PLXND1: variants seen among roughly 807,000 people sequenced by gnomAD.
PLXND1 encodes plexin-D1.
Under a neutral mutation model 197.7 loss-of-function variants are expected in PLXND1, and 54 were observed. The observed-to-expected ratio is 0.27, with a 90% CI of 0.22 to 0.34. The LOEUF is 0.34. PLXND1 is among the 10% of genes least tolerant of loss of function. The pLI, the probability that PLXND1 is intolerant of heterozygous loss-of-function variation, is 1.00. For synonymous variants in PLXND1, 1,180 were observed against 1,161.2 expected (o/e 1.02, Z -0.33); for missense variants, 2,127 against 2,699.2 (o/e 0.79, Z 4.70).
At chr3:129,570,368 G>A (rs2085205980) in intron 19 of PLXND1, among the ~76,000 whole-genome samples, 1 of 152,138 alleles carries the variant, frequency 6.6e-6, no homozygotes, top group African/African-American at 2.4e-5. Context: ...AGCTTTCCCA[G>A]TCAGAGCCAT....
rs200856710 is a variant in PLXND1 at position 129,565,892 on chromosome 3, G to A, written c.4317C>T (p.Arg1439=). 1.7e-5 allele frequency: 27 copies of A among 1,614,024 alleles called. No individual in the cohort carries two copies. The highest frequency in any genetic ancestry group is 2.2e-5 in the East Asian group (1 of 44,880). The change falls in exon 24 of 36, where the codon CGC becomes CGT. Residue 1439 remains arginine, a synonymous_variant. Transcript: ENST00000324093. ...CCAGTCTGTCACAGCCTGACCTGTC[G>A]CGCACCGCAAAGTCCTTCTGCTGCT... ...ALEQQKDFAV[R]DRCSLASLLT...
At position 129,586,476 on chromosome 3, in the gene PLXND1, G is replaced by C. The variant is rs146578138; in HGVS notation, c.1620+112C>G. Reference sequence around the variant, plus strand: ...GGACAAGGTGGAGTTAGCAGATAAGGGAGATGGAGGAGGAGGGTGCTCCCA... The same window carrying C: ...GGACAAGGTGGAGTTAGCAGATAAGCGAGATGGAGGAGGAGGGTGCTCCCA... On this transcript the variant is annotated intron_variant, in intron 3 of 35. Coordinates refer to ENST00000324093, the MANE Select transcript of PLXND1 (RefSeq NM_015103.3). 1,304 of 1,311,084 alleles carry C rather than the reference G, an allele frequency of 9.9e-4. 2 individuals carry two copies. The highest frequency in any genetic ancestry group is 6.5e-3 in the African/African-American group (445 of 68,636). The allele number at this position is 1,311,084 out of a possible 1,614,324, so 81.2% of individuals were successfully genotyped here. A position where few individuals can be genotyped will look rare whatever the true frequency, so the allele number is the denominator to read the frequency against.
intron 24 of PLXND1, 105 bp from the exon 25 acceptor site, chr3:129,565,643 C>A: frequency 9.3e-7 from 1 of 1,076,608 alleles, no homozygotes; most frequent in South Asian, 1.4e-5. Flanking sequence ...CCCAGGAGTG[C>A]CTGTGTGGGT....
intron 23 of PLXND1, 77 bp downstream of exon 23, chr3:129,566,450 T>G: frequency 1.2e-6 from 1 of 860,538 alleles, no homozygotes; most frequent in Non-Finnish European, 2.0e-6. Context: ...ATGCATTAGA[T>G]GAACTGGAAA....
At chr3:129,566,260 C>T in intron 23 of PLXND1, 1 of 596,340 alleles carries the variant, frequency 1.7e-6, no homozygotes. Context: ...GGACTCTCAC[C>T]TTCCATTTTC....
At chr3:129,563,661 C>T (rs547086128) in intron 25 of PLXND1, among the ~76,000 whole-genome samples, 5 of 152,268 alleles carry the variant, frequency 3.3e-5, no homozygotes, top group South Asian at 4.1e-4. Flanking sequence ...CCCGAAACAC[C>T]GATGTGGCCT....
intron 27 of PLXND1, 141 bp downstream of exon 27, chr3:129,562,646 G>A: frequency 1.4e-6 from 1 of 708,236 alleles, no homozygotes; most frequent in South Asian, 2.1e-5. Flanking sequence ...AGAGCTTCTT[G>A]CTGAGGGGGC....
chr3:129,562,837 C>T lies in PLXND1; in HGVS notation c.4775G>A (p.Cys1592Tyr). Residue 1592 changes from cysteine to tyrosine, a missense_variant, in exon 27 of 36, where the codon TGC becomes TAC. Physicochemically the swap from Cys to Tyr is radical, Grantham distance 194. This residue lies in a region of PLXND1 where 532 missense variants were observed against 811.0 expected (regional missense o/e 0.66). Transcript: ENST00000324093. Reference protein sequence around the residue: ...QVKEKILEAFCKNVPYSQWPR... With the variant: ...QVKEKILEAFYKNVPYSQWPR... ...CCACTGGGAGTAGGGCACATTCTTG[C>T]AGAAGGCCTCCAGGATCTTCTCCTT... 1 of 1,611,626 alleles carries T rather than the reference C, an allele frequency of 6.2e-7. No homozygotes were observed. Among genetic ancestry groups the T allele is most frequent in the Non-Finnish European group, 8.5e-7 (1 of 1,177,960 alleles).
At chr3:129,565,767 AG>A in intron 24 of PLXND1, 119 bp downstream of exon 24, 1 of 1,134,970 alleles carries the variant, frequency 8.8e-7, no homozygotes, top group South Asian at 1.5e-5. Context: ...ATCCCGGCCC[AG>A]GAAGGGCTGG....
At chr3:129,562,540 A>G (rs911521987) in intron 27 of PLXND1, 2 of 423,774 alleles carry the variant, frequency 4.7e-6, no homozygotes, top group Admixed American at 3.8e-5. Context: ...ACCCTACTCC[A>G]GCATCCCTCC....
At position 129,561,722 on chromosome 3, in the gene PLXND1, G is replaced by T; in HGVS notation, c.4930-13C>A. The stretch of plus-strand genomic sequence containing the variant: ...CACCTTCAGGGATCTGATGGGAGGG[G>T]AGAGGCCGAGGTCAGAGGCCGGAGG... On this transcript the variant is annotated splice_polypyrimidine_tract_variant and intron_variant, in intron 28 of 35. Coordinates refer to ENST00000324093, the MANE Select transcript of PLXND1 (RefSeq NM_015103.3). The T allele has an allele frequency of 1.3e-6, 2 of 1,585,252 alleles. No homozygotes were observed. Among genetic ancestry groups the T allele is most frequent in the East Asian group, 2.3e-5 (1 of 43,748 alleles).
rs2245281 is a variant in PLXND1 at position 129,567,688 on chromosome 3, C to A, written c.3973+10G>T. On this transcript the variant is annotated intron_variant, in intron 21 of 35. Coordinates refer to ENST00000324093, the MANE Select transcript of PLXND1 (RefSeq NM_015103.3). Reference sequence around the variant, plus strand: ...TTGAGGCCCAGCCCTGCAGGGTCCCCGCCCACTACCTTTGCGGATTTCCTC... The same window carrying A: ...TTGAGGCCCAGCCCTGCAGGGTCCCAGCCCACTACCTTTGCGGATTTCCTC... 0.32 allele frequency: 512,062 copies of A among 1,589,942 alleles called. 85,547 individuals are homozygous for A. The highest frequency in any genetic ancestry group is 0.51 in the African/African-American group (38,166 of 74,362).
intron 21 of PLXND1, 27 bp from the exon 22 acceptor site, chr3:129,567,631 C>A (rs367714975): frequency 6.3e-7 from 1 of 1,586,746 alleles, no homozygotes; most frequent in Non-Finnish European, 8.7e-7. Context: ...CAGCCGTGAG[C>A]GGCCCGAGAA....
At chr3:129,574,576 A>AT in intron 11 of PLXND1, 86 bp from the exon 12 acceptor site, 2 of 1,358,628 alleles carry the variant, frequency 1.5e-6, no homozygotes, top group South Asian at 2.7e-5. Context: ...AACAACTGTC[A>AT]AGAGGTCTGC....
intron 1 of PLXND1, among the ~76,000 whole-genome samples, chr3:129,603,371 G>A (rs940111836): frequency 6.6e-6 from 1 of 152,210 alleles, no homozygotes; most frequent in African/African-American, 2.4e-5. Context: ...TCTTGCCAGA[G>A]GGGGAGGGAA....
rs1014375224 is a variant in PLXND1, at chr3:129,571,069, G to T, written c.3571C>A (p.Pro1191Thr). The T allele has an allele frequency of 1.2e-6, 2 of 1,614,164 alleles. No individual in the cohort carries two copies. ...ATAACGAGGGTGAGAGGCTCCCCGG[G>T]GTGGTGCTTGATCCACTTCTCCCTC... ...AKREKWIKHHPGEPLTLVIHK... is the reference protein window; with the variant it reads ...AKREKWIKHHTGEPLTLVIHK... Residue 1191 changes from proline (P) to threonine (T), a missense_variant, in exon 18 of 36, where the codon CCC becomes ACC. Transcript: ENST00000324093.
rs929589945 is a variant in PLXND1, at chr3:129,606,050, G to A, written c.590C>T (p.Pro197Leu). The A allele has an allele frequency of 1.3e-6, 2 of 1,588,958 alleles. No individual in the cohort carries two copies. Among genetic ancestry groups the A allele is most frequent in the African/African-American group, 2.7e-5 (2 of 74,542 alleles). The change falls in exon 1 of 36, where the codon CCT becomes CTT. Residue 197 changes from proline (P) to leucine (L), a missense_variant. By Grantham distance (98) the Pro-to-Leu change is moderately conservative. Around this residue, in one of 6 missense-constraint regions of PLXND1, gnomAD observed 1,095 missense variants for 1,259.8 expected, o/e 0.87. Transcript: ENST00000324093. The part of the protein sequence containing the change: ...PNASTVGLVL[P>L]PAAGAGGSRL... ...GCTGCCCCCCGCGCCCGCGGCGGGA[G>A]GCAGAACTAGCCCCACGGTGGACGC... is the stretch of plus-strand genomic sequence containing the variant.
chr3:129,563,014 G>A, intron 26 of PLXND1, 71 bp from the exon 27 acceptor site: 1 of 1,608,860 alleles, frequency 6.2e-7, no homozygotes, highest in Non-Finnish European at 8.5e-7. Flanking sequence ...CAGGCAGCAA[G>A]GCCCTGCAGA....
chr3:129,585,830 T>C, intron 5 of PLXND1, 122 bp downstream of exon 5: 1 of 1,305,266 alleles, frequency 7.7e-7, no homozygotes, highest in Non-Finnish European at 1.1e-6. Flanking sequence ...ACTGTTCTCA[T>C]TATTTGTCTT....
Sources: gnomAD v4.1 joint callset for allele counts (sites outside exome capture counted in the v4.1 genomes callset) on GRCh38, gnomAD v4.1.1 for gene constraint, gnomAD v4.1.1 regional missense constraint, MANE v1.5 for transcripts, NCBI Gene and HGNC (gene_info 2026-07-23, HGNC 2026-07-21) for gene names.